PLPPR1: variants seen among roughly 807,000 people sequenced by gnomAD.
The protein encoded by PLPPR1 is phospholipid phosphatase related 1, also known as phospholipid phosphatase-related protein type 1.
Under a neutral mutation model 33.1 loss-of-function variants are expected in PLPPR1, and 10 were observed. The observed-to-expected ratio is 0.30, with a 90% CI of 0.19 to 0.51. PLPPR1 has a LOEUF of 0.51. Ranked by LOEUF, PLPPR1 falls within the 20% of genes least tolerant of loss-of-function variation. The probability of loss-of-function intolerance (pLI) is 0.97; values close to 1 mark genes in which losing one functional copy is unlikely to be tolerated. For synonymous variants in PLPPR1, 151 were observed against 151.0 expected (o/e 1.00, Z 0.00); for missense variants, 304 against 408.1 (o/e 0.74, Z 2.20).
At chr9:101,299,360 G>C (rs1828706030) in intron 4 of PLPPR1, among the ~76,000 whole-genome samples, 1 of 152,174 alleles carries the variant, frequency 6.6e-6, no homozygotes, top group Admixed American at 6.5e-5. Flanking sequence ...AAGGATGCAG[G>C]GGAGGAAGGA....
At chr9:101,318,592 C>T (rs1322383168) in intron 7 of PLPPR1, among the ~76,000 whole-genome samples, 2 of 151,990 alleles carry the variant, frequency 1.3e-5, no homozygotes, top group Non-Finnish European at 2.9e-5. Flanking sequence ...GGCAACATGG[C>T]AAAACCCTGT....
intron 1 of PLPPR1, among the ~76,000 whole-genome samples, chr9:101,124,037 C>A (rs553133715): frequency 5.5e-4 from 84 of 152,178 alleles, no homozygotes; most frequent in Non-Finnish European, 1.1e-3. Context: ...TTTTGTAAAA[C>A]AGAAGGTATT....
intron 1 of PLPPR1, among the ~76,000 whole-genome samples, chr9:101,042,629 C>A (rs1830089742): frequency 6.6e-6 from 1 of 151,710 alleles, no homozygotes; most frequent in Admixed American, 6.6e-5. Context: ...TCTTTTTCTT[C>A]AAAAAAAATT....
At chr9:101,247,567 G>A (rs1262971134) in intron 2 of PLPPR1, among the ~76,000 whole-genome samples, 2 of 152,084 alleles carry the variant, frequency 1.3e-5, no homozygotes, top group African/African-American at 2.4e-5. Context: ...AAGTGGGTGT[G>A]CAGTAGTCTG....
chr9:101,084,585 C>T (rs1217171402), intron 1 of PLPPR1, among the ~76,000 whole-genome samples: 1 of 152,168 alleles, frequency 6.6e-6, no homozygotes, highest in South Asian at 2.1e-4. Flanking sequence ...AAAACCAGAG[C>T]TTCATAGAGG....
chr9:101,231,237 A>C (rs1264942871), intron 2 of PLPPR1, among the ~76,000 whole-genome samples: 1 of 150,626 alleles, frequency 6.6e-6, no homozygotes, highest in Non-Finnish European at 1.5e-5. Flanking sequence ...TGTCATGACT[A>C]TTGCGGGAAG....
chr9:101,228,927 C>T (rs1827127392), intron 2 of PLPPR1, among the ~76,000 whole-genome samples: 1 of 93,972 alleles, frequency 1.1e-5, no homozygotes. Flanking sequence ...AGGAAAGATT[C>T]CCCCCTCCCA....
intron 1 of PLPPR1, among the ~76,000 whole-genome samples, chr9:101,149,947 A>G (rs981644010): frequency 2.6e-5 from 4 of 151,988 alleles, no homozygotes; most frequent in African/African-American, 9.7e-5. Flanking sequence ...TTTGACTTCT[A>G]CATCTATCAT....
chr9:101,159,274 T>C (rs1831741593), intron 1 of PLPPR1, among the ~76,000 whole-genome samples: 1 of 152,220 alleles, frequency 6.6e-6, no homozygotes, highest in South Asian at 2.1e-4. Flanking sequence ...TACAGAGATA[T>C]AAATATAGGC....
intron 4 of PLPPR1, among the ~76,000 whole-genome samples, chr9:101,288,567 AAAAAAAT>A (rs1457141498): frequency 2.0e-5 from 3 of 148,454 alleles, no homozygotes; most frequent in African/African-American, 7.7e-5. Flanking sequence ...GTAAAAAAAT[AAAAAAAT>A]AAAAAAAAAG....
intron 1 of PLPPR1, among the ~76,000 whole-genome samples, chr9:101,096,833 C>T (rs1017605911): frequency 7.2e-5 from 11 of 152,144 alleles, no homozygotes; most frequent in South Asian, 6.2e-4. Flanking sequence ...GAGAGGCTGA[C>T]GTGGAAGGAT....
At chr9:101,298,318 G>A (rs981051565) in intron 4 of PLPPR1, among the ~76,000 whole-genome samples, 3 of 152,144 alleles carry the variant, frequency 2.0e-5, no homozygotes, top group Non-Finnish European at 2.9e-5. Context: ...GGTCCGGTCC[G>A]AGGATTAGGT....
intron 1 of PLPPR1, among the ~76,000 whole-genome samples, chr9:101,095,190 T>C (rs1830801535): frequency 6.6e-6 from 1 of 152,320 alleles, no homozygotes; most frequent in South Asian, 2.1e-4. Flanking sequence ...CCTCAGTCAA[T>C]AGGATGGTAC....
At chr9:101,148,723 C>A (rs891158938) in intron 1 of PLPPR1, among the ~76,000 whole-genome samples, 3 of 152,184 alleles carry the variant, frequency 2.0e-5, no homozygotes, top group Non-Finnish European at 4.4e-5. Flanking sequence ...AACTCCCACA[C>A]CTTAGTTTGG....
chr9:101,175,443 TG>T (rs1425463522), intron 1 of PLPPR1, among the ~76,000 whole-genome samples: 1 of 152,194 alleles, frequency 6.6e-6, no homozygotes, highest in Non-Finnish European at 1.5e-5. Context: ...TGCTAAAAAG[TG>T]GGTCCTAGGC....
intron 2 of PLPPR1, among the ~76,000 whole-genome samples, chr9:101,255,442 CA>C (rs1339674792): frequency 1.3e-5 from 2 of 152,100 alleles, no homozygotes; most frequent in African/African-American, 4.8e-5. Context: ...TCTGGATTTA[CA>C]GGAGTTTGTT....
chr9:101,054,566 A>G (rs1830260650), intron 1 of PLPPR1, among the ~76,000 whole-genome samples: 1 of 152,006 alleles, frequency 6.6e-6, no homozygotes, highest in South Asian at 2.1e-4. Context: ...CTTTGGACAA[A>G]CCCTTCTTTT....
chr9:101,154,854 C>G (rs907503808), intron 1 of PLPPR1, among the ~76,000 whole-genome samples: 1 of 151,362 alleles, frequency 6.6e-6, no homozygotes, highest in East Asian at 2.0e-4. Flanking sequence ...AGCAAACTAT[C>G]GCAAGGACAA....
At chr9:101,275,249 G>A (rs1283776767) in intron 3 of PLPPR1, among the ~76,000 whole-genome samples, 2 of 152,188 alleles carry the variant, frequency 1.3e-5, no homozygotes, top group African/African-American at 4.8e-5. Flanking sequence ...GACCATGGAA[G>A]AACCTAGCAC....
Sources: gnomAD v4.1 joint callset for allele counts (sites outside exome capture counted in the v4.1 genomes callset) on GRCh38, gnomAD v4.1.1 for gene constraint, MANE v1.5 for transcripts, NCBI Gene and HGNC (gene_info 2026-07-23, HGNC 2026-07-21) for gene names.